The following TMTC2 variants were observed in gnomAD, a reference collection of about 807,000 sequenced individuals.
TMTC2 encodes the protein transmembrane O-mannosyltransferase targeting cadherins 2, also known as protein O-mannosyl-transferase TMTC2.
In TMTC2, 43 loss-of-function variants were observed where a neutral mutation model predicts 82.4. That is an observed-to-expected ratio of 0.52 (90% CI 0.41 to 0.67). The LOEUF is 0.67. TMTC2 is among the 30% of genes least tolerant of loss of function. The pLI, the probability that TMTC2 is intolerant of heterozygous loss-of-function variation, is 0.00. For missense variants in TMTC2, 919 were observed against 1,012.4 expected (o/e 0.91, Z 1.25); for synonymous variants, 408 against 381.9 (o/e 1.07, Z -0.80).
intron 7 of TMTC2, among the ~76,000 whole-genome samples, chr12:82,973,026 C>G (rs780095431): frequency 2.6e-5 from 4 of 152,108 alleles, no homozygotes; most frequent in African/African-American, 9.7e-5. Context: ...GTGGATTGCT[C>G]AAGGCATTTA....
At chr12:82,856,911 G>C (rs950435672) in intron 1 of TMTC2, 99 bp from the exon 2 acceptor site, 1 of 1,193,646 alleles carries the variant, frequency 8.4e-7, no homozygotes, top group East Asian at 2.3e-5. Context: ...AAGCTACATA[G>C]TAACAAAGCT....
chr12:83,046,253 A>T (rs1039339043), intron 9 of TMTC2, among the ~76,000 whole-genome samples: 1 of 152,186 alleles, frequency 6.6e-6, no homozygotes, highest in Admixed American at 6.5e-5. Flanking sequence ...CCCAGATGTC[A>T]TCAGTGTCCA....
chr12:82,802,297 G>A (rs944873824), intron 1 of TMTC2, among the ~76,000 whole-genome samples: 45 of 152,196 alleles, frequency 3.0e-4, no homozygotes, highest in Middle Eastern at 3.2e-3. Flanking sequence ...ACGCCCACCC[G>A]TGCGCAGCCC....
chr12:82,690,680 G>A (rs1809747246), intron 1 of TMTC2, among the ~76,000 whole-genome samples: 1 of 152,146 alleles, frequency 6.6e-6, no homozygotes, highest in Non-Finnish European at 1.5e-5. Flanking sequence ...ATGAAAAAGG[G>A]TATGTGGTTT....
At chr12:83,061,715 A>G (rs1333534348) in intron 10 of TMTC2, 53 bp from the exon 11 acceptor site, 3 of 1,453,612 alleles carry the variant, frequency 2.1e-6, no homozygotes, top group Admixed American at 2.1e-5. Context: ...CAGTGATCCT[A>G]TTTGTAATTC....
At chr12:82,952,083 C>G (rs2403021) in intron 4 of TMTC2, among the ~76,000 whole-genome samples, 110,788 of 152,022 alleles carry the variant, frequency 0.73, 41,773 homozygotes, top group South Asian at 0.85. Context: ...AGCTCAGATT[C>G]AATAACTTAT....
intron 7 of TMTC2, among the ~76,000 whole-genome samples, chr12:82,971,843 G>T (rs989770625): frequency 6.6e-6 from 1 of 152,014 alleles, no homozygotes; most frequent in Admixed American, 6.6e-5. Flanking sequence ...TAAGTGCTGG[G>T]ACAGCACAGA....
In TMTC2 at chr12:82,765,739, T is replaced by C. The variant is rs562700574; in HGVS notation, c.83+78070T>C. 4.0e-5 allele frequency among the ~76,000 whole-genome samples: 6 copies of C among 151,366 alleles called. No homozygotes were observed. The South Asian group carries it at 1.2e-3, about 31-fold the overall frequency. On this transcript the variant is annotated intron_variant, in intron 1 of 11. Coordinates refer to ENST00000321196, the MANE Select transcript of TMTC2 (RefSeq NM_152588.3). ...CAAAAAAAAACAAAGAAAAAACAGG[T>C]ACCTTGCTATCATATTCATCATTCT... is the stretch of plus-strand genomic sequence containing the variant.
At chr12:82,978,209 A>G (rs1878765841) in intron 7 of TMTC2, among the ~76,000 whole-genome samples, 1 of 151,766 alleles carries the variant, frequency 6.6e-6, no homozygotes, top group Admixed American at 6.6e-5. Flanking sequence ...ACTAAAAATT[A>G]AGAATGAGGC....
intron 1 of TMTC2, among the ~76,000 whole-genome samples, chr12:82,790,743 C>G (rs1878430324): frequency 6.6e-6 from 1 of 151,080 alleles, no homozygotes; most frequent in Admixed American, 6.6e-5. Context: ...AGGAGAATCA[C>G]TTGAACCCGG....
chr12:82,817,670 G>C (rs977212335), intron 1 of TMTC2, among the ~76,000 whole-genome samples: 1 of 152,128 alleles, frequency 6.6e-6, no homozygotes, highest in African/African-American at 2.4e-5. Context: ...TCATTCCTCA[G>C]TAAGAGAAAG....
At chr12:82,791,670 T>C (rs909216987) in intron 1 of TMTC2, among the ~76,000 whole-genome samples, 1 of 152,176 alleles carries the variant, frequency 6.6e-6, no homozygotes, top group Non-Finnish European at 1.5e-5. Context: ...TCCTAAGTTA[T>C]AGTCACTGAA....
At chr12:82,779,081 G>A (rs1877759579) in intron 1 of TMTC2, among the ~76,000 whole-genome samples, 1 of 151,384 alleles carries the variant, frequency 6.6e-6, no homozygotes, top group Admixed American at 6.6e-5. Context: ...AAATTTAAAG[G>A]CTGAGTAGCT....
intron 1 of TMTC2, among the ~76,000 whole-genome samples, chr12:82,794,712 A>C (rs1444808150): frequency 6.6e-6 from 1 of 152,158 alleles, no homozygotes; most frequent in Non-Finnish European, 1.5e-5. Flanking sequence ...TATTAAGGGA[A>C]TAGAGTGTGA....
chr12:83,018,985 T>C (rs149575482), intron 8 of TMTC2, among the ~76,000 whole-genome samples: 15 of 152,270 alleles, frequency 9.9e-5, no homozygotes, highest in Admixed American at 3.3e-4. Flanking sequence ...TTAGAGTACA[T>C]ATGGTAAGTG....
At chr12:82,702,489 G>C (rs758614568) in intron 1 of TMTC2, among the ~76,000 whole-genome samples, 8 of 152,140 alleles carry the variant, frequency 5.3e-5, no homozygotes, top group Non-Finnish European at 1.2e-4. Context: ...AAAAAAATCG[G>C]TCATACTATT....
intron 1 of TMTC2, among the ~76,000 whole-genome samples, chr12:82,834,316 A>G (rs1869910488): frequency 6.6e-6 from 1 of 152,188 alleles, no homozygotes; most frequent in Non-Finnish European, 1.5e-5. Flanking sequence ...GAGAGAGAAA[A>G]AGGTTGAATC....
chr12:83,016,848 T>G (rs891205330), intron 8 of TMTC2, among the ~76,000 whole-genome samples: 1 of 152,326 alleles, frequency 6.6e-6, no homozygotes, highest in Admixed American at 6.5e-5. Context: ...TTTCTTCTTT[T>G]GTAAAACCAG....
At chr12:82,903,267 T>C (rs1312693866) in intron 3 of TMTC2, among the ~76,000 whole-genome samples, 1 of 152,208 alleles carries the variant, frequency 6.6e-6, no homozygotes, top group Non-Finnish European at 1.5e-5. Context: ...CCCTATCCTC[T>C]TTCCATGCTT....
Sources: gnomAD v4.1 joint callset for allele counts (sites outside exome capture counted in the v4.1 genomes callset) on GRCh38, gnomAD v4.1.1 for gene constraint, MANE v1.5 for transcripts, NCBI Gene and HGNC (gene_info 2026-07-23, HGNC 2026-07-21) for gene names.